The following ARFGEF3 variants were observed in gnomAD, a reference collection of about 807,000 sequenced individuals.
ARFGEF3 encodes the protein ARFGEF family member 3, also known as brefeldin A-inhibited guanine nucleotide-exchange protein 3.
Under a neutral mutation model 221.7 loss-of-function variants are expected in ARFGEF3, and 96 were observed. The ratio of observed to expected loss-of-function variants is 0.43; its 90% CI spans 0.37 to 0.51. The LOEUF is 0.51. ARFGEF3 is among the 20% of genes least tolerant of loss of function. The probability of loss-of-function intolerance (pLI) is 0.00; values close to 1 mark genes in which losing one functional copy is unlikely to be tolerated. For missense variants in ARFGEF3, 2,410 were observed against 2,789.9 expected (o/e 0.86, Z 3.07); for synonymous variants, 1,145 against 1,126.8 (o/e 1.02, Z -0.32).
chr6:138,263,058 C>T lies in ARFGEF3; in HGVS notation c.1575C>T (p.Pro525=), dbSNP rs763562995. 7.4e-6 allele frequency: 12 copies of T among 1,612,798 alleles called. No homozygotes were observed. Among genetic ancestry groups the T allele is most frequent in the East Asian group, 4.5e-5 (2 of 44,820 alleles). The part of the protein sequence containing the change: ...TLEGELGQTT[P]EDHSGNHKNS... The stretch of plus-strand genomic sequence containing the variant: ...AGGGAGAGTTGGGTCAGACTACACC[C>T]GAGGACCATTCGGGAAACCACAAGA... The change falls in exon 12 of 34, where the codon CCC becomes CCT. Residue 525 remains proline (P), a synonymous_variant. Coordinates refer to ENST00000251691, the MANE Select transcript of ARFGEF3 (RefSeq NM_020340.5).
chr6:138,171,443 T>C (rs1032543717), intron 2 of ARFGEF3, among the ~76,000 whole-genome samples: 5 of 152,322 alleles, frequency 3.3e-5, no homozygotes, highest in African/African-American at 9.6e-5. Context: ...ATTTAAGCTC[T>C]GATTGGCAAC....
chr6:138,238,202 A>G (rs1778330057), intron 5 of ARFGEF3, among the ~76,000 whole-genome samples: 1 of 152,146 alleles, frequency 6.6e-6, no homozygotes, highest in African/African-American at 2.4e-5. Flanking sequence ...ATTTCCAGCC[A>G]CCTGAGTTGA....
chr6:138,303,438 C>G (rs777034053), intron 22 of ARFGEF3, among the ~76,000 whole-genome samples: 2 of 152,110 alleles, frequency 1.3e-5, no homozygotes, highest in Admixed American at 1.3e-4. Context: ...GGATGGTCAG[C>G]ATCATTAGTC....
Position 138,198,141 on chromosome 6 carries a change from T to C in ARFGEF3, c.138-8901T>C, listed in dbSNP as rs1777466195. Among the ~76,000 whole-genome samples, 3 of 152,202 alleles carry C rather than the reference T, an allele frequency of 2.0e-5. No individual in the cohort carries two copies. In the South Asian group the frequency reaches 6.2e-4, roughly 31 times the overall value. On this transcript the variant is annotated intron_variant, in intron 2 of 33. Transcript: ENST00000251691. ...GTATAGGCATAACCATTTTATATTA[T>C]TTAGAATTATTTCTACTAGATTGAA...
intron 4 of ARFGEF3, among the ~76,000 whole-genome samples, chr6:138,212,350 A>G (rs1032649858): frequency 4.6e-5 from 7 of 152,262 alleles, no homozygotes; most frequent in African/African-American, 1.7e-4. Flanking sequence ...CAACATGGCG[A>G]AACCACATCT....
intron 4 of ARFGEF3, among the ~76,000 whole-genome samples, chr6:138,224,683 A>G (rs1778047182): frequency 6.6e-6 from 1 of 152,344 alleles, no homozygotes; most frequent in Non-Finnish European, 1.5e-5. Context: ...TGCTGTAAAC[A>G]TGGCAGGCAT....
In ARFGEF3 at chr6:138,335,158, C is replaced by G; in HGVS notation, c.6312C>G (p.Val2104=). 6.4e-7 allele frequency: 1 copy of G among 1,567,744 alleles called. No homozygotes were observed. Among genetic ancestry groups the G allele is most frequent in the Non-Finnish European group, 8.6e-7 (1 of 1,163,210 alleles). Residue 2104 remains valine (V), a synonymous_variant, in exon 33 of 34, where the codon GTC becomes GTG. Transcript: ENST00000251691. ...GCTCCACCGGGAGCTCCCTCAGTGTCTCGGTGAGAGACGCAGAAGCACAGA... is the reference window on the plus strand; with the variant it reads ...GCTCCACCGGGAGCTCCCTCAGTGTGTCGGTGAGAGACGCAGAAGCACAGA... ...RSGSTGSSLS[V]SVRDAEAQIQ...
intron 2 of ARFGEF3, among the ~76,000 whole-genome samples, chr6:138,174,770 T>C (rs1776905444): frequency 6.6e-6 from 1 of 152,168 alleles, no homozygotes; most frequent in Admixed American, 6.5e-5. Flanking sequence ...TGCTCTGCTT[T>C]TTCCTATTTT....
intron 4 of ARFGEF3, chr6:138,217,833 T>G (rs2114512390): frequency 9.2e-7 from 1 of 1,083,906 alleles, no homozygotes; most frequent in African/African-American, 1.6e-5. Context: ...ATTTTAGAAT[T>G]GAAATAACCT....
chr6:138,307,402 GA>G lies in ARFGEF3; in HGVS notation c.3973+7del. The G allele has an allele frequency of 6.2e-7, 1 of 1,612,460 alleles. No individual in the cohort carries two copies. The highest frequency in any genetic ancestry group is 1.1e-5 in the South Asian group (1 of 90,934). ...TGGTTGGTGACTACTCCATGGGTAAGAATGTTTGGATGATTCTTGCTATTCA... is the reference window on the plus strand; with the variant it reads ...TGGTTGGTGACTACTCCATGGGTAAGATGTTTGGATGATTCTTGCTATTCA... On this transcript the variant is annotated splice_donor_region_variant and intron_variant, in intron 23 of 33. Transcript: ENST00000251691.
At chr6:138,325,677 T>C (rs1000755444) in intron 31 of ARFGEF3, among the ~76,000 whole-genome samples, 1 of 152,246 alleles carries the variant, frequency 6.6e-6, no homozygotes, top group African/African-American at 2.4e-5. Flanking sequence ...TACGTCTGGC[T>C]AAAGCATTTG....
chr6:138,235,076 AT>A (rs1251204391), intron 5 of ARFGEF3, among the ~76,000 whole-genome samples: 1 of 152,144 alleles, frequency 6.6e-6, no homozygotes, highest in African/African-American at 2.4e-5. Context: ...TACTTTAGTG[AT>A]TTCTCCCTGG....
At chr6:138,209,772 G>A (rs911327368) in intron 3 of ARFGEF3, 138 bp from the exon 4 acceptor site, 2 of 1,068,576 alleles carry the variant, frequency 1.9e-6, no homozygotes, top group African/African-American at 3.2e-5. Flanking sequence ...ACGGCACATA[G>A]CGTAAGTTCT....
In ARFGEF3 at chr6:138,263,507, T is replaced by A; in HGVS notation, c.2024T>A (p.Leu675Gln). 1 of 1,613,816 alleles carries A rather than the reference T, an allele frequency of 6.2e-7. No homozygotes were observed. Among genetic ancestry groups the A allele is most frequent in the Non-Finnish European group, 8.5e-7 (1 of 1,179,880 alleles). ...GAGGCGGATCAGCACAGCGCCAGGC[T>A]GTTCATACAGTCCCTGGAAGGCCTC... is the stretch of plus-strand genomic sequence containing the variant. ...NQEADQHSAR[L>Q]FIQSLEGLLP... The change falls in exon 12 of 34, where the codon CTG (leucine) becomes CAG (glutamine). Residue 675 changes from leucine to glutamine, a missense_variant. Transcript: ENST00000251691.
chr6:138,300,039 C>T (rs1554256793), intron 22 of ARFGEF3, among the ~76,000 whole-genome samples: 2 of 151,720 alleles, frequency 1.3e-5, no homozygotes, highest in Non-Finnish European at 1.5e-5. Context: ...GGTACGTGAG[C>T]TCTCAGTATT....
At chr6:138,188,058 T>A (rs1777224782) in intron 2 of ARFGEF3, among the ~76,000 whole-genome samples, 1 of 152,212 alleles carries the variant, frequency 6.6e-6, no homozygotes, top group Non-Finnish European at 1.5e-5. Context: ...TTATAATACT[T>A]GAGTATTTGT....
At chr6:138,256,962 T>C (rs2114580297) in intron 10 of ARFGEF3, among the ~76,000 whole-genome samples, 1 of 152,110 alleles carries the variant, frequency 6.6e-6, no homozygotes, top group South Asian at 2.1e-4. Flanking sequence ...TTTTTGTATT[T>C]TTTGTAGAGA....
chr6:138,240,802 AT>A (rs962989996), intron 6 of ARFGEF3, among the ~76,000 whole-genome samples: 7 of 151,922 alleles, frequency 4.6e-5, no homozygotes, highest in African/African-American at 1.7e-4. Flanking sequence ...GAATTTACGT[AT>A]TTTTTTTAAA....
Position 138,344,228 on chromosome 6 carries a change from A to G in ARFGEF3, c.*7742A>G, listed in dbSNP as rs1261755436. ...TAAATAAATGAAGCTTGTTATAGCC[A>G]TAATGATTTGAGTCAGTATACCATT... is the stretch of plus-strand genomic sequence containing the variant. On this transcript the variant is annotated 3_prime_UTR_variant, in exon 34 of 34. Transcript: ENST00000251691. 1 of 152,206 alleles carries G rather than the reference A, an allele frequency of 6.6e-6. No individual in the cohort carries two copies. Among genetic ancestry groups the G allele is most frequent in the African/African-American group, 2.4e-5 (1 of 41,448 alleles). The allele number at this position is 152,206 out of a possible 1,614,324, so 9.4% of individuals were successfully genotyped here. A position where few individuals can be genotyped will look rare whatever the true frequency, so the allele number is the denominator to read the frequency against.
Sources: gnomAD v4.1 joint callset for allele counts (sites outside exome capture counted in the v4.1 genomes callset) on GRCh38, gnomAD v4.1.1 for gene constraint, MANE v1.5 for transcripts, NCBI Gene and HGNC (gene_info 2026-07-23, HGNC 2026-07-21) for gene names.